The following RICTOR variants were observed in gnomAD, a reference collection of about 807,000 sequenced individuals.
The protein encoded by RICTOR is rapamycin-insensitive companion of mTOR.
In RICTOR, 49 loss-of-function variants were observed where a neutral mutation model predicts 214.9. The ratio of observed to expected loss-of-function variants is 0.23; its 90% CI spans 0.18 to 0.29. The LOEUF is 0.29. RICTOR is among the 10% of genes least tolerant of loss of function. RICTOR has a pLI of 1.00. For missense variants in RICTOR, 1,625 were observed against 2,047.0 expected, an observed-to-expected ratio of 0.79 and a Z score of 3.98; for synonymous variants, 717 against 711.3, an observed-to-expected ratio of 1.01 and a Z score of -0.13.
rs1561463915 is a variant in RICTOR at position 38,962,374 on chromosome 5, AAT to A, written c.1669-15_1669-14del. On this transcript the variant is annotated splice_polypyrimidine_tract_variant and intron_variant, in intron 18 of 37. Coordinates refer to ENST00000357387, the MANE Select transcript of RICTOR (RefSeq NM_152756.5). ...TTACATTTGGCCACTAGAAAAACAT[AAT>A]ATGTTATATTACATATGTACTTATC... 1 of 1,297,916 alleles carries A rather than the reference AAT, an allele frequency of 7.7e-7. No individual in the cohort carries two copies. Among genetic ancestry groups the A allele is most frequent in the South Asian group, 1.3e-5 (1 of 78,768 alleles). 80.4% of individuals were successfully genotyped at this position (1,297,916 alleles called of 1,614,324 possible).
At chr5:38,988,672 C>G (rs1752354098) in intron 7 of RICTOR, among the ~76,000 whole-genome samples, 1 of 152,144 alleles carries the variant, frequency 6.6e-6, no homozygotes, top group Admixed American at 6.5e-5. Context: ...ACCAAAGTCT[C>G]AGGATACAAA....
chr5:38,992,708 T>A (rs1235328527), intron 6 of RICTOR, among the ~76,000 whole-genome samples: 1 of 152,186 alleles, frequency 6.6e-6, no homozygotes, highest in Non-Finnish European at 1.5e-5. Flanking sequence ...ATTTTCCAGG[T>A]AAATATATGC....
In RICTOR at chr5:38,952,430, A is replaced by G; in HGVS notation, c.2898-5T>C. The stretch of plus-strand genomic sequence containing the variant: ...CCAAGTACATATACACAGGTCCTGT[A>G]TATAAAAGATGCAGTAAAAACAGTT... On this transcript the variant is annotated splice_region_variant and splice_polypyrimidine_tract_variant and intron_variant, in intron 29 of 37. Coordinates refer to ENST00000357387, the MANE Select transcript of RICTOR (RefSeq NM_152756.5). 3 of 1,546,868 alleles carry G rather than the reference A, an allele frequency of 1.9e-6. No individual in the cohort carries two copies. Among genetic ancestry groups the G allele is most frequent in the Middle Eastern group, 1.7e-4 (1 of 5,940 alleles).
chr5:39,038,182 C>T (rs1392913595), intron 2 of RICTOR, among the ~76,000 whole-genome samples: 9 of 152,090 alleles, frequency 5.9e-5, no homozygotes, highest in South Asian at 2.1e-4. Flanking sequence ...AATCAATAAA[C>T]GTAATCCAGC....
intron 9 of RICTOR, among the ~76,000 whole-genome samples, chr5:38,978,310 T>A (rs1178921105): frequency 6.6e-6 from 1 of 152,178 alleles, no homozygotes; most frequent in Non-Finnish European, 1.5e-5. Flanking sequence ...AATGTAATTA[T>A]GCTAAAATAT....
intron 25 of RICTOR, among the ~76,000 whole-genome samples, chr5:38,956,706 C>T (rs1245341659): frequency 6.6e-6 from 1 of 152,020 alleles, no homozygotes; most frequent in Non-Finnish European, 1.5e-5. Context: ...ATATTTTATG[C>T]TATTTTCAAG....
At chr5:39,009,523 T>C (rs1252083983) in intron 3 of RICTOR, among the ~76,000 whole-genome samples, 2 of 151,978 alleles carry the variant, frequency 1.3e-5, no homozygotes, top group Non-Finnish European at 2.9e-5. Flanking sequence ...AAAAGAACAA[T>C]TATGGCAGAA....
intron 7 of RICTOR, among the ~76,000 whole-genome samples, chr5:38,984,574 C>G (rs1752001874): frequency 6.6e-6 from 1 of 152,072 alleles, no homozygotes; most frequent in Admixed American, 6.5e-5. Context: ...TTAAATTTCC[C>G]TAATCACAGT....
At chr5:38,976,744 T>A (rs571062676) in intron 9 of RICTOR, among the ~76,000 whole-genome samples, 1 of 152,314 alleles carries the variant, frequency 6.6e-6, no homozygotes, top group Non-Finnish European at 1.5e-5. Context: ...ATCTACCTGC[T>A]TATACTCCAG....
At chr5:38,976,386 G>A (rs573035083) in intron 9 of RICTOR, among the ~76,000 whole-genome samples, 72 of 151,888 alleles carry the variant, frequency 4.7e-4, no homozygotes, top group Middle Eastern at 3.4e-3. Flanking sequence ...GGGAAAAACA[G>A]CAACAAAAAG....
At chr5:39,015,480 C>T (rs1473400872) in intron 3 of RICTOR, among the ~76,000 whole-genome samples, 1 of 151,588 alleles carries the variant, frequency 6.6e-6, no homozygotes, top group Non-Finnish European at 1.5e-5. Flanking sequence ...ATTTTGTCTC[C>T]CAGGGAACAT....
chr5:39,070,537 T>G (rs958750909), intron 2 of RICTOR, among the ~76,000 whole-genome samples: 10 of 152,228 alleles, frequency 6.6e-5, no homozygotes, highest in Middle Eastern at 3.2e-3. Flanking sequence ...TCTGCTTTTC[T>G]AGGTATTAGA....
At chr5:39,015,996 C>A (rs1754910120) in intron 3 of RICTOR, among the ~76,000 whole-genome samples, 1 of 152,062 alleles carries the variant, frequency 6.6e-6, no homozygotes, top group African/African-American at 2.4e-5. Context: ...CACTAAGCAG[C>A]CAAAATAGAT....
At chr5:39,056,976 T>C (rs1758246776) in intron 2 of RICTOR, among the ~76,000 whole-genome samples, 1 of 152,196 alleles carries the variant, frequency 6.6e-6, no homozygotes, top group Admixed American at 6.5e-5. Flanking sequence ...ATAGTGGCAA[T>C]TTATTTAAAA....
Position 38,950,272 on chromosome 5 carries a change from C to T in RICTOR, c.3576G>A (p.Glu1192=). The T allele has an allele frequency of 6.2e-7, 1 of 1,613,550 alleles. No homozygotes were observed. The highest frequency in any genetic ancestry group is 8.5e-7 in the Non-Finnish European group (1 of 1,179,648). ...DLKFTKNFGT[E]NHRENTSRER... ...CTCGGCTTGTATTTTCTCTGTGATT[C>T]TCTGTACCAAAATTCTTGGTGAATT... is the stretch of plus-strand genomic sequence containing the variant. Residue 1192 remains glutamate, a synonymous_variant, in exon 31 of 38, where the codon GAG becomes GAA. Coordinates refer to ENST00000357387, the MANE Select transcript of RICTOR (RefSeq NM_152756.5).
intron 21 of RICTOR, 124 bp from the exon 22 acceptor site, chr5:38,959,445 T>C: frequency 1.6e-6 from 1 of 642,938 alleles, no homozygotes; most frequent in Non-Finnish European, 2.6e-6. Context: ...TTATTCAAAG[T>C]GTATAACTTG....
chr5:39,027,551 A>G (rs984270761), intron 2 of RICTOR, among the ~76,000 whole-genome samples: 1 of 152,180 alleles, frequency 6.6e-6, no homozygotes, highest in East Asian at 1.9e-4. Flanking sequence ...ATTGCATGGC[A>G]CGTATATAGT....
chr5:39,014,394 A>G (rs1754779398), intron 3 of RICTOR, among the ~76,000 whole-genome samples: 1 of 152,100 alleles, frequency 6.6e-6, no homozygotes, highest in Admixed American at 6.6e-5. Context: ...GGAGAGTGGT[A>G]TTTCTGTCAG....
intron 3 of RICTOR, among the ~76,000 whole-genome samples, chr5:39,014,280 ACACTT>A (rs1336456176): frequency 6.6e-6 from 1 of 152,166 alleles, no homozygotes; most frequent in Non-Finnish European, 1.5e-5. Context: ...ATGATAGTAA[ACACTT>A]CATTTTATTT....
Sources: allele counts gnomAD v4.1 joint callset (sites outside exome capture counted in the v4.1 genomes callset), GRCh38; gene constraint gnomAD v4.1.1; transcripts MANE v1.5; gene names NCBI Gene and HGNC (gene_info 2026-07-23, HGNC 2026-07-21).